The following EIF4G3 variants were observed in gnomAD, a reference collection of about 807,000 sequenced individuals.
EIF4G3 encodes eIF-4-gamma 3.
EIF4G3 carries 34 observed loss-of-function variants against 186.4 expected under a neutral mutation model. The observed-to-expected ratio is 0.18, with a 90% CI of 0.14 to 0.24. The LOEUF (loss-of-function observed/expected upper bound fraction) is 0.24. Ranked by LOEUF, EIF4G3 falls within the 10% of genes least tolerant of loss-of-function variation. The pLI is 1.00. For missense variants in EIF4G3, 1,536 were observed against 1,948.5 expected (o/e 0.79, Z 3.99); for synonymous variants, 673 against 679.5 (o/e 0.99, Z 0.15).
chr1:20,882,649 A>T (rs1055370485), intron 19 of EIF4G3, among the ~76,000 whole-genome samples: 22 of 151,880 alleles, frequency 1.4e-4, no homozygotes, highest in Non-Finnish European at 2.2e-4. Flanking sequence ...ACAAAAAAAA[A>T]TTAACAAATT....
At chr1:21,165,501 A>G (rs1003907291) in intron 2 of EIF4G3, among the ~76,000 whole-genome samples, 1 of 152,248 alleles carries the variant, frequency 6.6e-6, no homozygotes, top group Non-Finnish European at 1.5e-5. Context: ...ATATTACTCA[A>G]TAATTTTAAA....
intron 4 of EIF4G3, among the ~76,000 whole-genome samples, chr1:21,029,147 A>G (rs917544819): frequency 3.9e-5 from 6 of 152,088 alleles, no homozygotes; most frequent in Non-Finnish European, 8.8e-5. Context: ...CCTCCCGAGT[A>G]GCTGAAACCA....
At chr1:20,914,661 G>A (rs1310269841) in intron 14 of EIF4G3, among the ~76,000 whole-genome samples, 1 of 152,010 alleles carries the variant, frequency 6.6e-6, no homozygotes, top group African/African-American at 2.4e-5. Context: ...ATAGAAAATG[G>A]GTGGGTTTTC....
At chr1:21,172,641 C>T (rs550018130) in intron 2 of EIF4G3, among the ~76,000 whole-genome samples, 8 of 152,168 alleles carry the variant, frequency 5.3e-5, no homozygotes, top group South Asian at 2.1e-4. Flanking sequence ...CTCCGCCTCG[C>T]GGGTTCACGC....
chr1:20,939,558 C>T (rs1413941276), intron 14 of EIF4G3, among the ~76,000 whole-genome samples: 1 of 152,174 alleles, frequency 6.6e-6, no homozygotes, highest in Non-Finnish European at 1.5e-5. Context: ...GAATATATGT[C>T]AGAAATGAGT....
chr1:20,820,487 C>G (rs71647170), intron 33 of EIF4G3, among the ~76,000 whole-genome samples: 4,255 of 152,284 alleles, frequency 0.028, 91 homozygotes, highest in Middle Eastern at 0.051. Flanking sequence ...TGAATGGCAG[C>G]AGGAGGCAGA....
chr1:21,053,558 C>A (rs2094396536), intron 3 of EIF4G3, among the ~76,000 whole-genome samples: 1 of 146,554 alleles, frequency 6.8e-6, no homozygotes, highest in Non-Finnish European at 1.5e-5. Context: ...GGGTCAGCCC[C>A]CCGCCCGGCC....
chr1:20,825,253 A>AT, intron 32 of EIF4G3, 55 bp from the exon 33 acceptor site: 1 of 861,724 alleles, frequency 1.2e-6, no homozygotes, highest in Non-Finnish European at 1.7e-6. Context: ...AAGAAACAGA[A>AT]AAAAAAAAAA....
At chr1:20,928,228 T>TGTTG (rs1219918056) in intron 14 of EIF4G3, among the ~76,000 whole-genome samples, 1 of 152,132 alleles carries the variant, frequency 6.6e-6, no homozygotes, top group Non-Finnish European at 1.5e-5. Flanking sequence ...ATAAATTTAT[T>TGTTG]TATACAACAA....
chr1:21,069,419 T>C (rs1196794411), intron 3 of EIF4G3, among the ~76,000 whole-genome samples: 1 of 152,250 alleles, frequency 6.6e-6, no homozygotes, highest in Non-Finnish European at 1.5e-5. Flanking sequence ...TATCACCATC[T>C]TGCCTGGTAA....
chr1:20,927,722 G>A (rs569385723), intron 14 of EIF4G3, among the ~76,000 whole-genome samples: 2 of 152,308 alleles, frequency 1.3e-5, no homozygotes, highest in African/African-American at 4.8e-5. Flanking sequence ...TACAAACAAA[G>A]AAACAGCAGA....
chr1:21,176,374 G>T lies in EIF4G3; in HGVS notation c.-455-16C>A. 2 of 254,156 alleles carry T rather than the reference G, an allele frequency of 7.9e-6. No individual in the cohort carries two copies. Among genetic ancestry groups the T allele is most frequent in the Non-Finnish European group, 7.3e-6 (1 of 136,848 alleles). The allele number at this position is 254,156 out of a possible 1,614,324, so 15.7% of individuals were successfully genotyped here. ...GTCGCTGTGCCTGATTTCAGAGCCG[G>T]TTTCTGCGGTAAACTCATGGCAAAG... On this transcript the variant is annotated splice_polypyrimidine_tract_variant and intron_variant, in intron 1 of 36. Coordinates refer to ENST00000602326, the MANE Select transcript of EIF4G3 (RefSeq NM_001391906.1).
At chr1:21,132,321 G>C (rs2097167060) in intron 2 of EIF4G3, among the ~76,000 whole-genome samples, 2 of 152,000 alleles carry the variant, frequency 1.3e-5, no homozygotes, top group Admixed American at 1.3e-4. Context: ...GAATGCTCTG[G>C]AGGAGCATTT....
intron 10 of EIF4G3, among the ~76,000 whole-genome samples, chr1:20,977,679 A>G (rs577609603): frequency 6.6e-5 from 10 of 152,212 alleles, no homozygotes; most frequent in Admixed American, 5.9e-4. Context: ...AACAGACATC[A>G]ATAATATCTG....
chr1:21,102,168 T>C (rs2096540197), intron 2 of EIF4G3, among the ~76,000 whole-genome samples: 1 of 152,134 alleles, frequency 6.6e-6, no homozygotes. Context: ...GAGGTATTTC[T>C]GGCTGGGCTT....
intron 33 of EIF4G3, among the ~76,000 whole-genome samples, chr1:20,819,111 T>G (rs1257408497): frequency 6.6e-6 from 1 of 152,074 alleles, no homozygotes; most frequent in Non-Finnish European, 1.5e-5. Flanking sequence ...ATTTTTCTGA[T>G]TTAGTATTGG....
intron 7 of EIF4G3, among the ~76,000 whole-genome samples, chr1:20,989,579 A>G (rs1242545490): frequency 6.7e-6 from 1 of 149,158 alleles, no homozygotes; most frequent in African/African-American, 2.5e-5. Context: ...AAAAAAAAAA[A>G]AAAAGTAGAG....
intron 29 of EIF4G3, among the ~76,000 whole-genome samples, chr1:20,842,540 T>C (rs1387027075): frequency 6.6e-6 from 1 of 152,040 alleles, no homozygotes; most frequent in Non-Finnish European, 1.5e-5. Flanking sequence ...GCTAATTTTG[T>C]ATTTTTAGTA....
chr1:21,015,889 A>T (rs1255250658), intron 4 of EIF4G3, among the ~76,000 whole-genome samples: 1 of 152,160 alleles, frequency 6.6e-6, no homozygotes, highest in African/African-American at 2.4e-5. Flanking sequence ...GTTCATTACC[A>T]TAAGACATGC....
Sources: allele counts gnomAD v4.1 joint callset (sites outside exome capture counted in the v4.1 genomes callset), GRCh38; gene constraint gnomAD v4.1.1; transcripts MANE v1.5; gene names NCBI Gene and HGNC (gene_info 2026-07-23, HGNC 2026-07-21).